The following RNF13 variants were observed in gnomAD, a reference collection of about 807,000 sequenced individuals.
The protein encoded by RNF13 is E3 ubiquitin-protein ligase RNF13.
A neutral mutation model predicts 37.7 loss-of-function variants in RNF13; 19 were observed. The ratio of observed to expected loss-of-function variants is 0.50; its 90% CI spans 0.35 to 0.74. The LOEUF is 0.74. Among genes scored for constraint, RNF13 ranks in the 30% least tolerant of loss-of-function variants. The pLI, the probability that RNF13 is intolerant of heterozygous loss-of-function variation, is 0.01. For synonymous variants in RNF13, 144 were observed against 157.8 expected (o/e 0.91, Z 0.65); for missense variants, 375 against 453.0 (o/e 0.83, Z 1.56).
intron 1 of RNF13, among the ~76,000 whole-genome samples, chr3:149,825,055 C>G (rs1267766874): frequency 2.6e-5 from 4 of 151,260 alleles, no homozygotes; most frequent in African/African-American, 4.9e-5. Flanking sequence ...AAATCCTGGG[C>G]TCAAGCAATC....
At chr3:149,889,286 A>AGTGT (rs1390991976) in intron 4 of RNF13, among the ~76,000 whole-genome samples, 1,154 of 45,384 alleles carry the variant, frequency 0.025, 17 homozygotes, top group African/African-American at 0.092. Context: ...TCTGAATTTG[A>AGTGT]GTGTGCGTGT....
chr3:149,858,549 A>G (rs368838283), intron 3 of RNF13, among the ~76,000 whole-genome samples: 2 of 152,200 alleles, frequency 1.3e-5, no homozygotes, highest in African/African-American at 2.4e-5. Context: ...ATAATTATCA[A>G]TGGCAAATCT....
At chr3:149,865,058 A>G (rs1724657332) in intron 3 of RNF13, among the ~76,000 whole-genome samples, 1 of 152,120 alleles carries the variant, frequency 6.6e-6, no homozygotes, top group Non-Finnish European at 1.5e-5. Context: ...AAAGAAAGGT[A>G]TAGTGGATGT....
intron 1 of RNF13, among the ~76,000 whole-genome samples, chr3:149,841,542 CAGTG>C (rs1242670453): frequency 6.6e-6 from 1 of 152,176 alleles, no homozygotes; most frequent in Admixed American, 6.5e-5. Context: ...TTGCTGGAAA[CAGTG>C]AGCTGATTGA....
intron 8 of RNF13, among the ~76,000 whole-genome samples, chr3:149,931,481 T>C (rs1719157996): frequency 6.6e-6 from 1 of 152,210 alleles, no homozygotes; most frequent in African/African-American, 2.4e-5. Flanking sequence ...TTATTGATTT[T>C]AGCTCTTTTT....
intron 8 of RNF13, among the ~76,000 whole-genome samples, chr3:149,958,207 A>T (rs1235678218): frequency 2.6e-5 from 4 of 152,196 alleles, no homozygotes; most frequent in East Asian, 1.9e-4. Context: ...ACAAAAATAT[A>T]TTATCTATAG....
At chr3:149,828,756 C>G (rs73870438) in intron 1 of RNF13, among the ~76,000 whole-genome samples, 1 of 151,956 alleles carries the variant, frequency 6.6e-6, no homozygotes, top group East Asian at 1.9e-4. Context: ...TGACTTGGTA[C>G]GCCACTTACC....
intron 3 of RNF13, among the ~76,000 whole-genome samples, chr3:149,863,828 C>G (rs1000102398): frequency 6.6e-6 from 1 of 152,078 alleles, no homozygotes; most frequent in Non-Finnish European, 1.5e-5. Context: ...TATGTTTTTA[C>G]AGGATTTGTC....
Position 149,956,468 on chromosome 3 carries a change from G to A in RNF13, c.701-3588G>A, listed in dbSNP as rs555885292. 6.6e-5 allele frequency among the ~76,000 whole-genome samples: 10 copies of A among 152,270 alleles called. No individual in the cohort carries two copies. In the South Asian group the frequency reaches 2.1e-3, roughly 32 times the overall value. On this transcript the variant is annotated intron_variant, in intron 8 of 9. Transcript: ENST00000392894. ...CTTGGCTACCTAGGTCTTTGTGTGAGTCTTGTTATGAAGGGCCAATACTTT... is the reference window on the plus strand; with the variant it reads ...CTTGGCTACCTAGGTCTTTGTGTGAATCTTGTTATGAAGGGCCAATACTTT...
intron 3 of RNF13, among the ~76,000 whole-genome samples, chr3:149,864,772 A>C (rs748114500): frequency 1.3e-5 from 2 of 152,204 alleles, no homozygotes; most frequent in Non-Finnish European, 2.9e-5. Context: ...TGATAAAGAC[A>C]AAAAGAATGT....
intron 8 of RNF13, among the ~76,000 whole-genome samples, chr3:149,945,277 T>C (rs1720656261): frequency 6.6e-6 from 1 of 152,304 alleles, no homozygotes; most frequent in East Asian, 1.9e-4. Flanking sequence ...GGCTTAGGAT[T>C]GTCTGGCAGT....
chr3:149,867,456 T>TG (rs1394534806), intron 3 of RNF13, among the ~76,000 whole-genome samples: 1 of 151,342 alleles, frequency 6.6e-6, no homozygotes, highest in Non-Finnish European at 1.5e-5. Context: ...TTAGTAGAGA[T>TG]GGGGTTTCAC....
At chr3:149,939,609 C>T in intron 8 of RNF13, 1 of 627,306 alleles carries the variant, frequency 1.6e-6, no homozygotes, top group Non-Finnish European at 3.0e-6. Context: ...AATTCATTGC[C>T]TCTGTTTCAA....
chr3:149,882,507 T>C (rs370058787), intron 4 of RNF13, among the ~76,000 whole-genome samples: 15 of 152,156 alleles, frequency 9.9e-5, no homozygotes, highest in African/African-American at 2.9e-4. Flanking sequence ...ATGCTCTAAA[T>C]GTTATTTTGT....
chr3:149,860,756 TAGAC>T (rs1407799990), intron 3 of RNF13, among the ~76,000 whole-genome samples: 3 of 151,970 alleles, frequency 2.0e-5, no homozygotes, highest in African/African-American at 7.2e-5. Context: ...AAAAGAAAAA[TAGAC>T]AAATGATGCT....
At chr3:149,900,843 G>A (rs1373885651) in intron 5 of RNF13, among the ~76,000 whole-genome samples, 4 of 151,272 alleles carry the variant, frequency 2.6e-5, no homozygotes, top group Non-Finnish European at 4.4e-5. Flanking sequence ...GCATGTGTGC[G>A]TGTGTGTGTG....
intron 8 of RNF13, among the ~76,000 whole-genome samples, chr3:149,936,983 A>C (rs1219815661): frequency 2.0e-5 from 3 of 151,920 alleles, no homozygotes; most frequent in African/African-American, 7.3e-5. Flanking sequence ...GGGTTAGGGG[A>C]TGTTCCAAAG....
chr3:149,920,502 T>C (rs1718007099), intron 7 of RNF13, among the ~76,000 whole-genome samples: 1 of 152,212 alleles, frequency 6.6e-6, no homozygotes, highest in Admixed American at 6.5e-5. Flanking sequence ...TTTTATTTTT[T>C]TAACAGTGCC....
chr3:149,953,733 C>T (rs781738945), intron 8 of RNF13, among the ~76,000 whole-genome samples: 4 of 152,140 alleles, frequency 2.6e-5, no homozygotes, highest in Non-Finnish European at 5.9e-5. Context: ...CATTTATTGG[C>T]TGTGTGACCT....
Sources: allele counts gnomAD v4.1 joint callset (sites outside exome capture counted in the v4.1 genomes callset), GRCh38; gene constraint gnomAD v4.1.1; transcripts MANE v1.5; gene names NCBI Gene and HGNC (gene_info 2026-07-23, HGNC 2026-07-21).